Variants in PDE9A observed in about 807,000 individuals in gnomAD.
PDE9A encodes the protein high affinity cGMP-specific 3',5'-cyclic phosphodiesterase 9A.
In PDE9A, 60 loss-of-function variants were observed where a neutral mutation model predicts 87.4. That is an observed-to-expected ratio of 0.69 (90% CI 0.56 to 0.85). PDE9A has a LOEUF of 0.85. Among genes scored for constraint, PDE9A ranks in the 40% least tolerant of loss-of-function variants. PDE9A has a pLI of 0.00. For synonymous variants in PDE9A, 272 were observed against 279.4 expected, an observed-to-expected ratio of 0.97 and a Z score of 0.27; for missense variants, 665 against 779.0, an observed-to-expected ratio of 0.85 and a Z score of 1.74.
chr21:42,755,822 AT>A (rs1392951854), intron 10 of PDE9A, among the ~76,000 whole-genome samples: 1 of 152,150 alleles, frequency 6.6e-6, no homozygotes, highest in African/African-American at 2.4e-5. Context: ...CCCCAAAGTC[AT>A]TTTGACCTCA....
At chr21:42,767,088 G>C (rs545645958) in intron 15 of PDE9A, among the ~76,000 whole-genome samples, 11 of 152,244 alleles carry the variant, frequency 7.2e-5, no homozygotes, top group African/African-American at 2.4e-4. Flanking sequence ...GCACGGCCAG[G>C]CATCGTCTCA....
intron 4 of PDE9A, among the ~76,000 whole-genome samples, chr21:42,711,730 ATGT>A (rs1282686184): frequency 6.6e-6 from 1 of 152,180 alleles, no homozygotes; most frequent in African/African-American, 2.4e-5. Context: ...TTTCAAGTTA[ATGT>A]TGTGTGTGTT....
intron 1 of PDE9A, among the ~76,000 whole-genome samples, chr21:42,673,411 C>T (rs377252554): frequency 6.6e-5 from 10 of 152,320 alleles, no homozygotes; most frequent in East Asian, 3.9e-4. Flanking sequence ...GAGGTCAGTC[C>T]GCTGATTGAC....
chr21:42,663,526 C>A (rs1442893675), intron 1 of PDE9A, among the ~76,000 whole-genome samples: 1 of 152,172 alleles, frequency 6.6e-6, no homozygotes, highest in Admixed American at 6.5e-5. Context: ...TATCTCATTG[C>A]CCGATGTGAT....
At chr21:42,733,720 G>A (rs750517244) in intron 7 of PDE9A, 3 of 421,084 alleles carry the variant, frequency 7.1e-6, no homozygotes, top group Non-Finnish European at 8.7e-6. Context: ...GAGAACCTCT[G>A]CTGAGTGTCT....
Position 42,769,661 on chromosome 21 carries a change from T to TGCACACAC in PDE9A, c.1590+506_1590+507insGCACACAC, listed in dbSNP as rs1569280341. On this transcript the variant is annotated intron_variant, in intron 17 of 19. Transcript: ENST00000291539. The stretch of plus-strand genomic sequence containing the variant: ...ACACACAGGGACACACAGGCACACA[T>TGCACACAC]AGGCACACAAATGCACACACAGGCA... Among the ~76,000 whole-genome samples, 7 of 33,350 alleles carry TGCACACAC rather than the reference T, an allele frequency of 2.1e-4. No homozygotes were observed. The East Asian group carries it at 2.4e-3, about 12-fold the overall frequency. 21.9% of individuals were successfully genotyped at this position (33,350 alleles called of 152,430 possible). A position where few individuals can be genotyped will look rare whatever the true frequency, so the allele number is the denominator to read the frequency against.
In PDE9A at chr21:42,705,365, A is replaced by G. The variant is rs927163745; in HGVS notation, c.262+6354A>G. On this transcript the variant is annotated intron_variant, in intron 4 of 19. Coordinates refer to ENST00000291539, the MANE Select transcript of PDE9A (RefSeq NM_002606.3). This position sits in a 1 kb window ranked among gnomAD's most constrained non-coding sequence, Gnocchi z 4.3. ...ATTTGATGTAAGCCGCTCAAACTCAAAGAGTGTTGTTTTCCAGATTATAAA... is the reference window on the plus strand; with the variant it reads ...ATTTGATGTAAGCCGCTCAAACTCAGAGAGTGTTGTTTTCCAGATTATAAA... Among the ~76,000 whole-genome samples, 1 of 152,110 alleles carries G rather than the reference A, an allele frequency of 6.6e-6. No homozygotes were observed. Among genetic ancestry groups the G allele is most frequent in the Admixed American group, 6.5e-5 (1 of 15,268 alleles).
At position 42,760,220 on chromosome 21, in the gene PDE9A, G is replaced by A; in HGVS notation, c.898-108G>A. On this transcript the variant is annotated intron_variant, in intron 11 of 19. Coordinates refer to ENST00000291539, the MANE Select transcript of PDE9A (RefSeq NM_002606.3). The surrounding 1 kb of genome is among the most constrained non-coding windows in gnomAD (Gnocchi z 5.2). Reference sequence around the variant, plus strand: ...CACTGTTGACCTCTGGTTGGGATGAGGGTTTGGCAGAGAATGTTCAAACCA... The same window carrying A: ...CACTGTTGACCTCTGGTTGGGATGAAGGTTTGGCAGAGAATGTTCAAACCA... 1 of 689,654 alleles carries A rather than the reference G, an allele frequency of 1.5e-6. No homozygotes were observed. Among genetic ancestry groups the A allele is most frequent in the Non-Finnish European group, 2.6e-6 (1 of 380,440 alleles). The allele number at this position is 689,654 out of a possible 1,614,324, so 42.7% of individuals were successfully genotyped here.
chr21:42,662,011 G>A (rs903219734), intron 1 of PDE9A, among the ~76,000 whole-genome samples: 3 of 152,202 alleles, frequency 2.0e-5, no homozygotes, highest in Admixed American at 6.5e-5. Flanking sequence ...CCTCCCTGGG[G>A]CAAGTCATTC....
At chr21:42,677,500 G>T (rs1393875520) in intron 1 of PDE9A, among the ~76,000 whole-genome samples, 1 of 152,202 alleles carries the variant, frequency 6.6e-6, no homozygotes, top group Non-Finnish European at 1.5e-5. Flanking sequence ...CAGAGAGGGC[G>T]CTGTCTTAGG....
At chr21:42,658,624 G>A (rs953306820) in intron 1 of PDE9A, among the ~76,000 whole-genome samples, 1 of 152,160 alleles carries the variant, frequency 6.6e-6, no homozygotes, top group East Asian at 1.9e-4. Flanking sequence ...GCTCAATTGT[G>A]CAGGGCTGCG....
rs2060061810 is a variant in PDE9A, at chr21:42,694,948, C to G, written c.219-4020C>G. On this transcript the variant is annotated intron_variant, in intron 3 of 19. Coordinates refer to ENST00000291539, the MANE Select transcript of PDE9A (RefSeq NM_002606.3). The surrounding 1 kb of genome is among the most constrained non-coding windows in gnomAD (Gnocchi z 5.3). Reference sequence around the variant, plus strand: ...GCGGGCACTCCCCTTCTGCAAACCTCCAAGCACATTCCCCCTCTGCACACT... The same window carrying G: ...GCGGGCACTCCCCTTCTGCAAACCTGCAAGCACATTCCCCCTCTGCACACT... 6.6e-6 allele frequency among the ~76,000 whole-genome samples: 1 copy of G among 152,222 alleles called. No homozygotes were observed. The highest frequency in any genetic ancestry group is 2.4e-5 in the African/African-American group (1 of 41,458).
chr21:42,666,225 T>C (rs1172554914), intron 1 of PDE9A, among the ~76,000 whole-genome samples: 1 of 151,940 alleles, frequency 6.6e-6, no homozygotes, highest in Non-Finnish European at 1.5e-5. Context: ...GGCTATCAGC[T>C]CCAGAAGGCC....
At chr21:42,665,606 C>T (rs1435169381) in intron 1 of PDE9A, among the ~76,000 whole-genome samples, 5 of 152,186 alleles carry the variant, frequency 3.3e-5, no homozygotes, top group Admixed American at 1.3e-4. Flanking sequence ...CTACAGCTCC[C>T]GGCCTTCCCT....
chr21:42,687,109 T>G (rs1332344320), intron 2 of PDE9A, among the ~76,000 whole-genome samples: 1 of 152,188 alleles, frequency 6.6e-6, no homozygotes, highest in Non-Finnish European at 1.5e-5. Flanking sequence ...CAGCAAACTT[T>G]CCAAATGTAA....
At chr21:42,770,553 G>C in intron 17 of PDE9A, 150 bp from the exon 18 acceptor site, 1 of 625,000 alleles carries the variant, frequency 1.6e-6, no homozygotes, top group South Asian at 1.8e-5. Context: ...AGCCGCAGTG[G>C]GTGGAGGCAG....
chr21:42,662,546 C>T (rs915929687), intron 1 of PDE9A, among the ~76,000 whole-genome samples: 1 of 146,950 alleles, frequency 6.8e-6, no homozygotes, highest in Non-Finnish European at 1.5e-5. Context: ...CACGTACACA[C>T]CATGCACATC....
chr21:42,745,620 C>T (rs895185993), intron 8 of PDE9A, among the ~76,000 whole-genome samples: 7 of 152,234 alleles, frequency 4.6e-5, no homozygotes, highest in Admixed American at 2.6e-4. Context: ...GTGGCACCGC[C>T]CTTGGCCGTG....
Position 42,659,416 on chromosome 21 carries a change from C to G in PDE9A, c.69+5533C>G, listed in dbSNP as rs923162520. ...AGACGGACAGCCTCGCCTCATCCGC[C>G]TTTCCCACTTGCCAGCCGGGAGGCC... On this transcript the variant is annotated intron_variant, in intron 1 of 19. Transcript: ENST00000291539. The surrounding 1 kb of genome is among the most constrained non-coding windows in gnomAD (Gnocchi z 4.1). Among the ~76,000 whole-genome samples the G allele has an allele frequency of 1.3e-5, 2 of 152,236 alleles. No individual in the cohort carries two copies. Among genetic ancestry groups the G allele is most frequent in the African/African-American group, 4.8e-5 (2 of 41,460 alleles).
Sources: gnomAD v4.1 joint callset for allele counts (sites outside exome capture counted in the v4.1 genomes callset) on GRCh38, gnomAD v4.1.1 for gene constraint, Gnocchi (gnomAD v3.1) non-coding constraint, MANE v1.5 for transcripts, NCBI Gene and HGNC (gene_info 2026-07-23, HGNC 2026-07-21) for gene names.